The following NPSR1 variants were observed in gnomAD, a reference collection of about 807,000 sequenced individuals.
NPSR1 encodes the protein neuropeptide S receptor 1.
In NPSR1, 48 loss-of-function variants were observed where a neutral mutation model predicts 46.9. The ratio of observed to expected loss-of-function variants is 1.02; its 90% CI spans 0.81 to 1.30. The LOEUF (loss-of-function observed/expected upper bound fraction) is 1.30, where lower values mean the gene tolerates loss of function less well. Among genes scored for constraint, NPSR1 ranks in the 50% most tolerant of loss-of-function variants. NPSR1 has a pLI of 0.00. For missense variants in NPSR1, 450 were observed against 449.5 expected, an observed-to-expected ratio of 1.00 and a Z score of -0.01; for synonymous variants, 176 against 168.1, an observed-to-expected ratio of 1.05 and a Z score of -0.36.
At chr7:34,742,519 T>C (rs918286257) in intron 2 of NPSR1, among the ~76,000 whole-genome samples, 10 of 152,262 alleles carry the variant, frequency 6.6e-5, no homozygotes, top group Non-Finnish European at 1.2e-4. Flanking sequence ...TATGATTGCA[T>C]AGTATCCCAT....
At position 34,663,715 on chromosome 7, in the gene NPSR1, C is replaced by T. The variant is rs114075428; in HGVS notation, c.147+5156C>T. 2.0e-3 allele frequency among the ~76,000 whole-genome samples: 308 copies of T among 152,350 alleles called. 1 individual carries two copies. Among genetic ancestry groups the T allele is most frequent in the African/African-American group, 7.0e-3 (290 of 41,584 alleles). On this transcript the variant is annotated intron_variant, in intron 1 of 8. Transcript: ENST00000360581. Reference sequence around the variant, plus strand: ...ACTCTTCCATCGCCCTCAGCGACCCCCCTGTCATGGGGAAATTGATGACAC... The same window carrying T: ...ACTCTTCCATCGCCCTCAGCGACCCTCCTGTCATGGGGAAATTGATGACAC...
intron 1 of NPSR1, among the ~76,000 whole-genome samples, chr7:34,667,914 A>T (rs1291942482): frequency 6.7e-6 from 1 of 150,286 alleles, no homozygotes; most frequent in Non-Finnish European, 1.5e-5. Flanking sequence ...AGTATTAGCA[A>T]AAAAAACCAT....
chr7:34,790,995 T>TTA (rs375358414), intron 3 of NPSR1, among the ~76,000 whole-genome samples: 3 of 104,050 alleles, frequency 2.9e-5, no homozygotes, highest in African/African-American at 1.3e-4. Context: ...ATTATATATG[T>TTA]TATATGTTAT....
chr7:34,771,578 A>G (rs1786686624), intron 2 of NPSR1, among the ~76,000 whole-genome samples: 1 of 152,214 alleles, frequency 6.6e-6, no homozygotes. Context: ...GAAGGGAATG[A>G]GGGGATGAGA....
At chr7:34,846,211 T>G (rs1396675281) in intron 7 of NPSR1, among the ~76,000 whole-genome samples, 1 of 152,102 alleles carries the variant, frequency 6.6e-6, no homozygotes, top group Non-Finnish European at 1.5e-5. Flanking sequence ...AGTTGGAAAA[T>G]GTATGTTTAC....
intron 3 of NPSR1, among the ~76,000 whole-genome samples, chr7:34,788,267 A>G (rs986378951): frequency 4.5e-4 from 68 of 152,068 alleles, no homozygotes; most frequent in African/African-American, 1.5e-3. Context: ...TAGTAGATAC[A>G]TGAAAGATAA....
chr7:34,846,941 T>G (rs1790759458), intron 7 of NPSR1, among the ~76,000 whole-genome samples: 1 of 152,162 alleles, frequency 6.6e-6, no homozygotes, highest in South Asian at 2.1e-4. Context: ...AGGACTGGTA[T>G]CCCTGTGAAA....
At chr7:34,807,518 C>T (rs1788762634) in intron 3 of NPSR1, among the ~76,000 whole-genome samples, 1 of 151,938 alleles carries the variant, frequency 6.6e-6, no homozygotes, top group Non-Finnish European at 1.5e-5. Context: ...ATGCTGTTTG[C>T]TTTGAATTTA....
intron 2 of NPSR1, among the ~76,000 whole-genome samples, chr7:34,747,407 C>G (rs1374373054): frequency 6.6e-6 from 1 of 152,198 alleles, no homozygotes; most frequent in African/African-American, 2.4e-5. Flanking sequence ...GCACCTGCAG[C>G]CTGGTGCAGG....
At chr7:34,764,317 C>T (rs923832884) in intron 2 of NPSR1, among the ~76,000 whole-genome samples, 12 of 152,164 alleles carry the variant, frequency 7.9e-5, no homozygotes, top group African/African-American at 2.9e-4. Flanking sequence ...GAGAAAAGAT[C>T]AGACTTGAGA....
chr7:34,729,959 C>T (rs1184901741), intron 2 of NPSR1, among the ~76,000 whole-genome samples: 2 of 152,054 alleles, frequency 1.3e-5, no homozygotes, highest in Non-Finnish European at 2.9e-5. Flanking sequence ...TTTTTAGTAG[C>T]AATGGGGTTT....
intron 2 of NPSR1, among the ~76,000 whole-genome samples, chr7:34,699,751 CAT>C (rs1793726395): frequency 1.3e-5 from 2 of 152,108 alleles, no homozygotes; most frequent in Admixed American, 1.3e-4. Flanking sequence ...CCACAGAGGT[CAT>C]ATGTTCAAAT....
chr7:34,705,599 ATC>A (rs60599463), intron 2 of NPSR1, among the ~76,000 whole-genome samples: 5,478 of 146,958 alleles, frequency 0.037, 101 homozygotes, highest in African/African-American at 0.055. Context: ...ATGTATGTTG[ATC>A]TCTCTCTCTC....
At position 34,792,714 on chromosome 7, in the gene NPSR1, T is replaced by TG. The variant is rs1562733400; in HGVS notation, c.384+14149_384+14150insG. 6.1e-4 allele frequency among the ~76,000 whole-genome samples: 78 copies of TG among 128,080 alleles called. 3 individuals are homozygous for TG. Among genetic ancestry groups the TG allele is most frequent in the African/African-American group, 2.1e-3 (67 of 32,488 alleles). 84.0% of individuals were successfully genotyped at this position (128,080 alleles called of 152,430 possible). A position where few individuals can be genotyped will look rare whatever the true frequency, so the allele number is the denominator to read the frequency against. On this transcript the variant is annotated intron_variant, in intron 3 of 8. Coordinates refer to ENST00000360581, the MANE Select transcript of NPSR1 (RefSeq NM_207172.2). Reference sequence around the variant, plus strand: ...GTATATATATACGTATATATATATATTTATATATATATATATATATTAGCC... The same window carrying TG: ...GTATATATATACGTATATATATATATGTTATATATATATATATATATTAGCC...
intron 5 of NPSR1, 24 bp downstream of exon 5, chr7:34,827,626 C>T (rs1201517773): frequency 1.3e-6 from 1 of 761,790 alleles, no homozygotes; most frequent in South Asian, 1.5e-5. Flanking sequence ...AGGACAGGAC[C>T]ACACGGGGGG....
intron 2 of NPSR1, among the ~76,000 whole-genome samples, chr7:34,714,017 G>A (rs1294107832): frequency 6.6e-6 from 1 of 152,248 alleles, no homozygotes; most frequent in Non-Finnish European, 1.5e-5. Flanking sequence ...GAATTTAAGT[G>A]GAATACAGTG....
intron 1 of NPSR1, among the ~76,000 whole-genome samples, chr7:34,673,674 C>T (rs1792170974): frequency 1.3e-5 from 2 of 152,130 alleles, no homozygotes; most frequent in African/African-American, 4.8e-5. Flanking sequence ...AGAGGCATTG[C>T]AGAGGGTGTA....
At chr7:34,680,053 C>T (rs1458095684) in intron 1 of NPSR1, among the ~76,000 whole-genome samples, 1 of 151,926 alleles carries the variant, frequency 6.6e-6, no homozygotes, top group African/African-American at 2.4e-5. Flanking sequence ...CATGATATGA[C>T]CATAATAGAT....
intron 2 of NPSR1, among the ~76,000 whole-genome samples, chr7:34,740,309 C>A (rs550524591): frequency 1.3e-4 from 19 of 151,948 alleles, no homozygotes; most frequent in African/African-American, 4.6e-4. Context: ...GGGCTGAGAA[C>A]CTGTCCCAGG....
Sources: gnomAD v4.1 joint callset for allele counts (sites outside exome capture counted in the v4.1 genomes callset) on GRCh38, gnomAD v4.1.1 for gene constraint, MANE v1.5 for transcripts, NCBI Gene and HGNC (gene_info 2026-07-23, HGNC 2026-07-21) for gene names.